Variants in ZNF704 observed in about 807,000 individuals in gnomAD.
ZNF704 encodes the protein glucocorticoid induced gene 1.
Under a neutral mutation model 44.7 loss-of-function variants are expected in ZNF704, and 10 were observed. That is an observed-to-expected ratio of 0.22 (90% CI 0.14 to 0.38). The LOEUF (loss-of-function observed/expected upper bound fraction) is 0.38. Among genes scored for constraint, ZNF704 ranks in the 10% least tolerant of loss-of-function variants. The pLI is 1.00. For missense variants in ZNF704, 390 were observed against 545.5 expected, an observed-to-expected ratio of 0.71 and a Z score of 2.84; for synonymous variants, 211 against 207.6, an observed-to-expected ratio of 1.02 and a Z score of -0.14.
At chr8:80,817,331 A>G (rs927026104) in intron 2 of ZNF704, among the ~76,000 whole-genome samples, 12 of 152,226 alleles carry the variant, frequency 7.9e-5, no homozygotes, top group African/African-American at 2.9e-4. Flanking sequence ...CATTTGCGCC[A>G]AGGCCACAGC....
chr8:80,758,011 T>C (rs1807065650), intron 2 of ZNF704, among the ~76,000 whole-genome samples: 1 of 152,214 alleles, frequency 6.6e-6, no homozygotes, highest in South Asian at 2.1e-4. Flanking sequence ...CTTTCTTTCT[T>C]ATACCTATGG....
rs953218258 is a variant in ZNF704 at position 80,640,906 on chromosome 8, A to C, written c.*460T>G. On this transcript the variant is annotated 3_prime_UTR_variant, in exon 9 of 9. Coordinates refer to ENST00000327835, the MANE Select transcript of ZNF704 (RefSeq NM_001033723.3). ...ATGGAAGATACGGAAAAGATTATTC[A>C]CAACAAAAGTAAGTATTGATCTTTG... 10 of 153,808 alleles carry C rather than the reference A, an allele frequency of 6.5e-5. No individual in the cohort carries two copies. The highest frequency in any genetic ancestry group is 2.2e-4 in the African/African-American group (9 of 41,476). The allele number at this position is 153,808 out of a possible 1,614,324, so 9.5% of individuals were successfully genotyped here. A position where few individuals can be genotyped will look rare whatever the true frequency, so the allele number is the denominator to read the frequency against.
At chr8:80,751,409 CG>C (rs1213446649) in intron 2 of ZNF704, among the ~76,000 whole-genome samples, 5 of 152,158 alleles carry the variant, frequency 3.3e-5, no homozygotes, top group Non-Finnish European at 7.3e-5. Context: ...TGTCTCTTGA[CG>C]GAACAATGTT....
chr8:80,676,678 C>G (rs905272093), intron 4 of ZNF704, among the ~76,000 whole-genome samples: 1 of 152,172 alleles, frequency 6.6e-6, no homozygotes, highest in African/African-American at 2.4e-5. Context: ...GCAGCAGTCC[C>G]CAACCTTTTT....
At chr8:80,837,514 T>C (rs544175391) in intron 1 of ZNF704, among the ~76,000 whole-genome samples, 11 of 152,320 alleles carry the variant, frequency 7.2e-5, no homozygotes, top group African/African-American at 2.2e-4. Context: ...GGGAAATGAC[T>C]ATTCCATCCT....
At chr8:80,656,201 T>C (rs1281186723) in intron 7 of ZNF704, among the ~76,000 whole-genome samples, 3 of 152,024 alleles carry the variant, frequency 2.0e-5, no homozygotes, top group Admixed American at 6.5e-5. Context: ...CTCTCTCTCT[T>C]TCTCTCTCGA....
Position 80,630,573 on chromosome 8 carries a change from A to G in ZNF704, c.*10793T>C, listed in dbSNP as rs1472519922. On this transcript the variant is annotated 3_prime_UTR_variant, in exon 9 of 9. Transcript: ENST00000327835. The stretch of plus-strand genomic sequence containing the variant: ...GTTTCCTTAAACATTGTCATGGACT[A>G]AGGGCAACAGAGGTTTTGTGATTAC... 6.6e-6 allele frequency: 1 copy of G among 152,194 alleles called. No homozygotes were observed. The highest frequency in any genetic ancestry group is 1.5e-5 in the Non-Finnish European group (1 of 68,032). 9.4% of individuals were successfully genotyped at this position (152,194 alleles called of 1,614,324 possible).
chr8:80,649,896 A>G (rs1442082922), intron 7 of ZNF704, among the ~76,000 whole-genome samples: 1 of 152,180 alleles, frequency 6.6e-6, no homozygotes, highest in East Asian at 1.9e-4. Flanking sequence ...CGAGTAGCCT[A>G]ACTGGGAGGC....
chr8:80,796,743 C>T (rs1386865194), intron 2 of ZNF704, among the ~76,000 whole-genome samples: 1 of 151,984 alleles, frequency 6.6e-6, no homozygotes, highest in East Asian at 1.9e-4. Context: ...TGCTTGTAAT[C>T]CCAGCACACT....
chr8:80,676,363 G>A (rs1025460970), intron 4 of ZNF704, among the ~76,000 whole-genome samples: 13 of 152,168 alleles, frequency 8.5e-5, no homozygotes, highest in Non-Finnish European at 1.8e-4. Context: ...AGAGAAGCAG[G>A]GGTTAGCTAC....
intron 1 of ZNF704, among the ~76,000 whole-genome samples, chr8:80,839,307 T>C (rs16908070): frequency 0.21 from 32,322 of 152,176 alleles, 4,797 homozygotes; most frequent in African/African-American, 0.42. Context: ...AAAAAGAATA[T>C]TGATTGCTGA....
At chr8:80,763,736 T>G (rs1429476054) in intron 2 of ZNF704, among the ~76,000 whole-genome samples, 1 of 152,136 alleles carries the variant, frequency 6.6e-6, no homozygotes, top group Non-Finnish European at 1.5e-5. Context: ...AGAAAATAGG[T>G]TTCTCTTTTC....
rs1808583477 is a variant in ZNF704, at chr8:80,836,407, C to T, written c.-21-14792G>A. 2.0e-5 allele frequency among the ~76,000 whole-genome samples: 3 copies of T among 152,274 alleles called. No homozygotes were observed. The South Asian group carries it at 6.2e-4, about 32-fold the overall frequency. On this transcript the variant is annotated intron_variant, in intron 1 of 8. Transcript: ENST00000327835. Reference sequence around the variant, plus strand: ...AAATGTCTTTCTCAGTGAAGCCAACCCTGACCACTCAATTTAAAATTGCAA... The same window carrying T: ...AAATGTCTTTCTCAGTGAAGCCAACTCTGACCACTCAATTTAAAATTGCAA...
At chr8:80,705,061 C>T (rs1163611501) in intron 2 of ZNF704, among the ~76,000 whole-genome samples, 1 of 152,038 alleles carries the variant, frequency 6.6e-6, no homozygotes, top group Non-Finnish European at 1.5e-5. Flanking sequence ...TGGAGGACAC[C>T]CCCCTGCAGA....
chr8:80,681,068 T>C (rs1818445873), intron 4 of ZNF704, among the ~76,000 whole-genome samples: 1 of 152,194 alleles, frequency 6.6e-6, no homozygotes, highest in Admixed American at 6.5e-5. Flanking sequence ...TTTTATGTGG[T>C]GAAGTATCCC....
chr8:80,657,372 T>C (rs1818032292), intron 7 of ZNF704, among the ~76,000 whole-genome samples: 1 of 152,042 alleles, frequency 6.6e-6, no homozygotes, highest in Non-Finnish European at 1.5e-5. Flanking sequence ...ATCAGCACAA[T>C]TGGGAATTCT....
intron 7 of ZNF704, among the ~76,000 whole-genome samples, chr8:80,643,786 C>G (rs562669287): frequency 1.3e-5 from 2 of 152,144 alleles, no homozygotes; most frequent in East Asian, 3.9e-4. Flanking sequence ...CCTCATGAAC[C>G]CTGTCAAGTA....
rs577848684 is a variant in ZNF704 at position 80,643,413 on chromosome 8, G to C, written c.1033-284C>G. The stretch of plus-strand genomic sequence containing the variant: ...TGTGCCTGTAATCCCAGCTACTTGG[G>C]AGGCTGAGGCAGGAGAACTGCTTGA... On this transcript the variant is annotated intron_variant, in intron 7 of 8. Transcript: ENST00000327835. Among the ~76,000 whole-genome samples, 365 of 151,564 alleles carry C rather than the reference G, an allele frequency of 2.4e-3. 2 individuals are homozygous for C. Among genetic ancestry groups the C allele is most frequent in the Non-Finnish European group, 4.5e-3 (303 of 67,888 alleles).
intron 7 of ZNF704, chr8:80,658,732 A>C (rs1360108647): frequency 6.6e-6 from 1 of 152,218 alleles, no homozygotes; most frequent in Admixed American, 6.5e-5. Flanking sequence ...CAATTCATTC[A>C]GCCACTTTCA....
Sources: gnomAD v4.1 joint callset for allele counts (sites outside exome capture counted in the v4.1 genomes callset) on GRCh38, gnomAD v4.1.1 for gene constraint, MANE v1.5 for transcripts, NCBI Gene and HGNC (gene_info 2026-07-23, HGNC 2026-07-21) for gene names.